WFDC8: variants seen among roughly 807,000 people sequenced by gnomAD.
The protein encoded by WFDC8 is WAP four-disulfide core domain protein 8.
In WFDC8, 24 loss-of-function variants were observed where a neutral mutation model predicts 27.0. That is an observed-to-expected ratio of 0.89 (90% CI 0.64 to 1.25). The LOEUF (loss-of-function observed/expected upper bound fraction) is 1.25, where lower values mean the gene tolerates loss of function less well. Ranked by LOEUF, WFDC8 falls within the 50% of genes most tolerant of loss-of-function variation. The pLI, the probability that WFDC8 is intolerant of heterozygous loss-of-function variation, is 0.00. For missense variants in WFDC8, 287 were observed against 295.9 expected, an observed-to-expected ratio of 0.97 and a Z score of 0.22; for synonymous variants, 106 against 99.7, an observed-to-expected ratio of 1.06 and a Z score of -0.38.
intron 1 of WFDC8, among the ~76,000 whole-genome samples, chr20:45,565,008 A>AAG (rs1209391050): frequency 3.3e-5 from 4 of 120,360 alleles, no homozygotes; most frequent in South Asian, 2.5e-4. Flanking sequence ...GAAAGGAAGA[A>AAG]AGAAAGAGAA....
chr20:45,554,610 C>T (rs899310104), intron 4 of WFDC8, among the ~76,000 whole-genome samples: 1 of 152,160 alleles, frequency 6.6e-6, no homozygotes, highest in African/African-American at 2.4e-5. Context: ...CTAAATTTCC[C>T]ACAAACCAGC....
At chr20:45,565,611 G>A (rs375957535) in intron 1 of WFDC8, among the ~76,000 whole-genome samples, 30 of 152,246 alleles carry the variant, frequency 2.0e-4, no homozygotes, top group African/African-American at 5.5e-4. Context: ...ATTCAAGAAT[G>A]CATTTTCCTG....
chr20:45,578,775 C>T (rs2145581354), intron 1 of WFDC8, among the ~76,000 whole-genome samples: 1 of 152,276 alleles, frequency 6.6e-6, no homozygotes, highest in South Asian at 2.1e-4. Context: ...TGTTTAGATA[C>T]ATATTATATG....
chr20:45,563,812 A>G (rs549672297), intron 1 of WFDC8, among the ~76,000 whole-genome samples: 22 of 152,314 alleles, frequency 1.4e-4, no homozygotes, highest in Non-Finnish European at 2.6e-4. Flanking sequence ...GAAAACATCT[A>G]TTAACCCAGT....
At chr20:45,573,106 C>T (rs545524963) in intron 1 of WFDC8, among the ~76,000 whole-genome samples, 27 of 152,242 alleles carry the variant, frequency 1.8e-4, no homozygotes, top group African/African-American at 3.9e-4. Flanking sequence ...GCTATGCAAA[C>T]GCTTTGTAAT....
intron 1 of WFDC8, among the ~76,000 whole-genome samples, chr20:45,574,692 A>C (rs563742030): frequency 1.3e-5 from 2 of 152,284 alleles, no homozygotes; most frequent in African/African-American, 4.8e-5. Context: ...CAGCTACTTG[A>C]GAGGCTGAGG....
chr20:45,561,740 G>A (rs4416277), intron 2 of WFDC8, among the ~76,000 whole-genome samples: 20 of 8,976 alleles, frequency 2.2e-3, no homozygotes, highest in South Asian at 5.8e-3. Flanking sequence ...TTAAACTTGC[G>A]TGTGTGTGTG....
intron 1 of WFDC8, among the ~76,000 whole-genome samples, chr20:45,569,860 A>AAAGAATG (rs1470102512): frequency 3.3e-5 from 5 of 152,234 alleles, no homozygotes; most frequent in African/African-American, 1.2e-4. Context: ...CAGCCATGAA[A>AAAGAATG]AAGAATGAGA....
intron 2 of WFDC8, among the ~76,000 whole-genome samples, chr20:45,560,412 A>C (rs1303879645): frequency 1.3e-5 from 2 of 152,218 alleles, no homozygotes; most frequent in Non-Finnish European, 2.9e-5. Context: ...ACCCAGATGC[A>C]CAATGCCAGA....
chr20:45,563,764 A>G (rs888379701), intron 1 of WFDC8, among the ~76,000 whole-genome samples: 1 of 152,160 alleles, frequency 6.6e-6, no homozygotes, highest in Non-Finnish European at 1.5e-5. Context: ...TTTTATTATC[A>G]AGTCACTCTA....
At position 45,551,842 on chromosome 20, in the gene WFDC8, T is replaced by C. The variant is rs1980044709; in HGVS notation, c.*184A>G. The C allele has an allele frequency of 1.5e-6, 1 of 652,326 alleles. No individual in the cohort carries two copies. The highest frequency in any genetic ancestry group is 2.9e-5 in the East Asian group (1 of 34,096). 40.4% of individuals were successfully genotyped at this position (652,326 alleles called of 1,614,324 possible). ...AAGACAAGAAAATAAAGTCATGAAG[T>C]TGAAAAAAAGCCAAATATATCATCA... On this transcript the variant is annotated 3_prime_UTR_variant, in exon 6 of 6. Coordinates refer to ENST00000289953, the MANE Select transcript of WFDC8 (RefSeq NM_130896.3).
At chr20:45,552,839 A>C (rs1174512598) in intron 5 of WFDC8, among the ~76,000 whole-genome samples, 1 of 152,242 alleles carries the variant, frequency 6.6e-6, no homozygotes, top group East Asian at 1.9e-4. Context: ...ATTTTTTATG[A>C]ATCGGTGAAT....
intron 1 of WFDC8, among the ~76,000 whole-genome samples, chr20:45,563,520 C>T (rs1396686680): frequency 6.6e-6 from 1 of 152,168 alleles, no homozygotes; most frequent in Non-Finnish European, 1.5e-5. Context: ...AATAATAACA[C>T]CTACCTCACA....
intron 1 of WFDC8, among the ~76,000 whole-genome samples, chr20:45,564,286 A>G (rs983332563): frequency 6.4e-4 from 98 of 152,202 alleles, no homozygotes; most frequent in African/African-American, 2.2e-3. Context: ...TAAATAACAC[A>G]CTAGGTTCTG....
At chr20:45,555,444 A>G (rs1980203513) in intron 4 of WFDC8, among the ~76,000 whole-genome samples, 1 of 152,228 alleles carries the variant, frequency 6.6e-6, no homozygotes, top group Non-Finnish European at 1.5e-5. Context: ...GCCAAGATCT[A>G]TTAACATTTT....
intron 3 of WFDC8, among the ~76,000 whole-genome samples, chr20:45,557,632 T>C (rs6032315): frequency 0.39 from 58,405 of 151,630 alleles, 11,660 homozygotes; most frequent in Non-Finnish European, 0.43. Context: ...AAGGTTTCAC[T>C]GTGTTGGTCA....
In WFDC8 at chr20:45,579,231, G is replaced by A; in HGVS notation, c.17C>T (p.Thr6Ile). MWTVR[T>I]EGGHFPLHSP... ...TAGACACCCTCCTCACCCTCCTTCAGTTCGGACAGTCCACATCAGGCCTCT... is the reference window on the plus strand; with the variant it reads ...TAGACACCCTCCTCACCCTCCTTCAATTCGGACAGTCCACATCAGGCCTCT... The change falls in exon 1 of 6, where the codon ACT (threonine) becomes ATT (isoleucine). Residue 6 changes from threonine (T) to isoleucine (I), a missense_variant. Coordinates refer to ENST00000289953, the MANE Select transcript of WFDC8 (RefSeq NM_130896.3). 6.2e-7 allele frequency: 1 copy of A among 1,613,758 alleles called. No homozygotes were observed. The highest frequency in any genetic ancestry group is 1.1e-5 in the South Asian group (1 of 91,066).
chr20:45,567,471 A>G (rs2145572998), intron 1 of WFDC8, among the ~76,000 whole-genome samples: 2 of 152,376 alleles, frequency 1.3e-5, no homozygotes, highest in East Asian at 3.9e-4. Flanking sequence ...CAGACATGTA[A>G]CACAGGTGTT....
intron 1 of WFDC8, among the ~76,000 whole-genome samples, chr20:45,562,878 A>G (rs1980522068): frequency 6.6e-6 from 1 of 152,134 alleles, no homozygotes; most frequent in Admixed American, 6.5e-5. Context: ...GGTGTGAAAA[A>G]CTAATAATCC....
Sources: allele counts gnomAD v4.1 joint callset (sites outside exome capture counted in the v4.1 genomes callset), GRCh38; gene constraint gnomAD v4.1.1; transcripts MANE v1.5; gene names NCBI Gene and HGNC (gene_info 2026-07-23, HGNC 2026-07-21).